Variants in LUZP2 observed in about 807,000 individuals in gnomAD.
The protein encoded by LUZP2 is leucine zipper protein 2.
In LUZP2, 52 loss-of-function variants were observed where a neutral mutation model predicts 51.6. That is an observed-to-expected ratio of 1.01 (90% CI 0.81 to 1.27). The LOEUF (loss-of-function observed/expected upper bound fraction) is 1.27, where lower values mean the gene tolerates loss of function less well. LUZP2 is among the 50% of genes most tolerant of loss of function. LUZP2 has a pLI of 0.00. For synonymous variants in LUZP2, 154 were observed against 137.3 expected (o/e 1.12, Z -0.85); for missense variants, 436 against 395.4 (o/e 1.10, Z -0.87).
intron 1 of LUZP2, among the ~76,000 whole-genome samples, chr11:24,686,879 C>G (rs1044008711): frequency 6.6e-6 from 1 of 152,092 alleles, no homozygotes; most frequent in African/African-American, 2.4e-5. Context: ...CCGAGAGTTG[C>G]TTGTTAACAT....
intron 5 of LUZP2, among the ~76,000 whole-genome samples, chr11:24,800,540 C>CAAA (rs34615618): frequency 4.3e-5 from 6 of 141,152 alleles, no homozygotes; most frequent in Admixed American, 7.2e-5. Context: ...TCATTTAACT[C>CAAA]AAAAAAAAAA....
chr11:24,977,669 G>C (rs1170863426), intron 8 of LUZP2, among the ~76,000 whole-genome samples: 1 of 151,370 alleles, frequency 6.6e-6, no homozygotes, highest in African/African-American at 2.4e-5. Context: ...CTTTACATAT[G>C]TATGTATACA....
At chr11:24,577,174 G>C (rs1280998778) in intron 1 of LUZP2, among the ~76,000 whole-genome samples, 2 of 151,536 alleles carry the variant, frequency 1.3e-5, no homozygotes, top group African/African-American at 4.8e-5. Context: ...TGCCTAAAAT[G>C]ATAACACTTC....
Position 24,620,114 on chromosome 11 carries a change from G to A in LUZP2, c.63-109055G>A, listed in dbSNP as rs574671017. Among the ~76,000 whole-genome samples the A allele has an allele frequency of 7.9e-5, 12 of 152,178 alleles. 1 individual carries two copies. The highest frequency in any genetic ancestry group is 1.3e-4 in the Admixed American group (2 of 15,292). ...AGCTTAATTAAATAGATATATTTTAGTCAGTGAGTCTAAAGCCAAAATCTA... is the reference window on the plus strand; with the variant it reads ...AGCTTAATTAAATAGATATATTTTAATCAGTGAGTCTAAAGCCAAAATCTA... On this transcript the variant is annotated intron_variant, in intron 1 of 11. Coordinates refer to ENST00000336930, the MANE Select transcript of LUZP2 (RefSeq NM_001009909.4).
At chr11:24,989,286 C>T (rs879816165) in intron 9 of LUZP2, among the ~76,000 whole-genome samples, 4 of 151,754 alleles carry the variant, frequency 2.6e-5, no homozygotes, top group African/African-American at 4.8e-5. Flanking sequence ...TTATGCTCCC[C>T]GCAGTGGGAA....
chr11:24,770,766 AG>A (rs1860379234), intron 5 of LUZP2, among the ~76,000 whole-genome samples: 1 of 152,242 alleles, frequency 6.6e-6, no homozygotes, highest in Non-Finnish European at 1.5e-5. Context: ...CTTTTAAGAA[AG>A]GAATTTATTA....
chr11:24,865,462 A>G (rs900361024), intron 5 of LUZP2, among the ~76,000 whole-genome samples: 14 of 152,200 alleles, frequency 9.2e-5, no homozygotes, highest in Admixed American at 7.9e-4. Context: ...TGAAATTTAA[A>G]GAGGCCAAGT....
At chr11:24,689,034 G>C (rs1318756720) in intron 1 of LUZP2, among the ~76,000 whole-genome samples, 1 of 152,092 alleles carries the variant, frequency 6.6e-6, no homozygotes, top group African/African-American at 2.4e-5. Context: ...TCAGCCAAGG[G>C]GTATAAGGCA....
At chr11:24,602,032 ATGTATATC>A (rs1565020070) in intron 1 of LUZP2, among the ~76,000 whole-genome samples, 2 of 143,902 alleles carry the variant, frequency 1.4e-5, no homozygotes, top group Non-Finnish European at 3.0e-5. Flanking sequence ...ATGTGTATAT[ATGTATATC>A]TGTATATATG....
intron 1 of LUZP2, among the ~76,000 whole-genome samples, chr11:24,703,267 GC>G (rs1456623572): frequency 6.6e-6 from 1 of 152,138 alleles, no homozygotes; most frequent in East Asian, 1.9e-4. Context: ...GAGTATCCAA[GC>G]AAAACAACCA....
intron 7 of LUZP2, among the ~76,000 whole-genome samples, chr11:24,948,521 T>C (rs1263251817): frequency 6.6e-6 from 1 of 151,680 alleles, no homozygotes; most frequent in Non-Finnish European, 1.5e-5. Context: ...ACCAGAATTG[T>C]TTCTTAAAGG....
intron 7 of LUZP2, among the ~76,000 whole-genome samples, chr11:24,932,982 C>G (rs963235287): frequency 5.3e-5 from 8 of 152,158 alleles, no homozygotes; most frequent in Admixed American, 2.0e-4. Flanking sequence ...TGAATGTGCC[C>G]ACAGGGCTCT....
In LUZP2 at chr11:24,707,750, G is replaced by T. The variant is rs572676548; in HGVS notation, c.63-21419G>T. On this transcript the variant is annotated intron_variant, in intron 1 of 11. Coordinates refer to ENST00000336930, the MANE Select transcript of LUZP2 (RefSeq NM_001009909.4). Reference sequence around the variant, plus strand: ...GATGATACTCACCAACATTGGTAAGGGTTGTTATATATAAAGTTTCGGTAC... The same window carrying T: ...GATGATACTCACCAACATTGGTAAGTGTTGTTATATATAAAGTTTCGGTAC... Among the ~76,000 whole-genome samples the T allele has an allele frequency of 2.0e-5, 3 of 152,026 alleles. No homozygotes were observed. The East Asian group carries it at 5.8e-4, about 29-fold the overall frequency.
At chr11:24,859,748 G>A (rs113159336) in intron 5 of LUZP2, among the ~76,000 whole-genome samples, 2 of 152,342 alleles carry the variant, frequency 1.3e-5, no homozygotes, top group African/African-American at 4.8e-5. Flanking sequence ...AAGGGACGGG[G>A]GAACCCCTTT....
intron 9 of LUZP2, among the ~76,000 whole-genome samples, chr11:25,002,726 G>A (rs1166777753): frequency 6.6e-6 from 1 of 152,154 alleles, no homozygotes; most frequent in Non-Finnish European, 1.5e-5. Flanking sequence ...GACTCCAAGA[G>A]CTATCCCTGC....
intron 1 of LUZP2, among the ~76,000 whole-genome samples, chr11:24,585,684 TTCTTAAGAGACCTTGTC>T (rs1590210014): frequency 6.6e-6 from 1 of 152,120 alleles, no homozygotes; most frequent in African/African-American, 2.4e-5. Flanking sequence ...GAAAAAACAT[TTCTTAAGAGACCTTGTC>T]TCTTAAGAGA....
chr11:25,012,105 G>A (rs1265962816), intron 9 of LUZP2, among the ~76,000 whole-genome samples: 2 of 151,956 alleles, frequency 1.3e-5, no homozygotes, highest in African/African-American at 4.8e-5. Context: ...ATTATTATTA[G>A]AATTAAGTCA....
intron 4 of LUZP2, among the ~76,000 whole-genome samples, chr11:24,748,704 C>A (rs1040097922): frequency 5.9e-5 from 9 of 152,056 alleles, no homozygotes; most frequent in African/African-American, 2.2e-4. Flanking sequence ...TGATCTGCCC[C>A]CCTTGGCCTC....
intron 9 of LUZP2, among the ~76,000 whole-genome samples, chr11:25,001,216 A>G (rs1016071754): frequency 4.6e-5 from 7 of 152,250 alleles, no homozygotes; most frequent in Admixed American, 1.3e-4. Context: ...GAGAATTGGT[A>G]TAGATGGCTC....
Sources: gnomAD v4.1 joint callset for allele counts (sites outside exome capture counted in the v4.1 genomes callset) on GRCh38, gnomAD v4.1.1 for gene constraint, MANE v1.5 for transcripts, NCBI Gene and HGNC (gene_info 2026-07-23, HGNC 2026-07-21) for gene names.